Variants in USP32 observed in about 807,000 individuals in gnomAD.
USP32 encodes ubiquitin specific peptidase 32, also known as ubiquitin carboxyl-terminal hydrolase 32.
A neutral mutation model predicts 204.8 loss-of-function variants in USP32; 59 were observed. The ratio of observed to expected loss-of-function variants is 0.29; its 90% CI spans 0.23 to 0.36. USP32 has a LOEUF of 0.36. USP32 is among the 10% of genes least tolerant of loss of function. The probability of loss-of-function intolerance (pLI) is 1.00; values close to 1 mark genes in which losing one functional copy is unlikely to be tolerated. For missense variants in USP32, 1,160 were observed against 1,946.4 expected, an observed-to-expected ratio of 0.60 and a Z score of 7.60; for synonymous variants, 517 against 678.4, an observed-to-expected ratio of 0.76 and a Z score of 3.70.
At chr17:60,297,737 C>T (rs186379996) in intron 3 of USP32, among the ~76,000 whole-genome samples, 1 of 152,030 alleles carries the variant, frequency 6.6e-6, no homozygotes, top group Admixed American at 6.6e-5. Flanking sequence ...CATCACAACC[C>T]ACCTCAAAAT....
intron 1 of USP32, among the ~76,000 whole-genome samples, chr17:60,386,302 C>A (rs1403721448): frequency 2.0e-5 from 3 of 151,000 alleles, no homozygotes; most frequent in African/African-American, 7.3e-5. Flanking sequence ...ATAAAAAGAA[C>A]TGTCAGTCCC....
At chr17:60,422,367 A>C (rs1415458935) in exon 1 of USP32, 1 of 1,162,786 alleles carries the variant, frequency 8.6e-7, no homozygotes, top group East Asian at 3.2e-5. Context: ...TCCGTTCCCT[A>C]GTCCAGATCC....
chr17:60,288,459 T>C lies in USP32; in HGVS notation c.571+64A>G, dbSNP rs73318838. The C allele has an allele frequency of 8.4e-3, 12,745 of 1,513,952 alleles. 928 individuals carry two copies. In the African/African-American group the frequency reaches 0.16, roughly 19 times the overall value. The allele number at this position is 1,513,952 out of a possible 1,614,324, so 93.8% of individuals were successfully genotyped here. On this transcript the variant is annotated intron_variant, in intron 5 of 33. Coordinates refer to ENST00000300896, the MANE Select transcript of USP32 (RefSeq NM_032582.4). ...TTTCTCCTTTATAAGCATATTCTCA[T>C]ATTACCAGCCAATTATATATATAAA... is the stretch of plus-strand genomic sequence containing the variant.
intron 1 of USP32, among the ~76,000 whole-genome samples, chr17:60,374,489 C>T (rs1318070507): frequency 1.3e-5 from 2 of 151,962 alleles, no homozygotes; most frequent in Non-Finnish European, 2.9e-5. Context: ...CCTGAACCTC[C>T]TAGGCTCAAG....
Position 60,207,123 on chromosome 17 carries a change from G to A in USP32, c.2935C>T (p.Gln979Ter). The A allele has an allele frequency of 6.2e-7, 1 of 1,610,592 alleles. No individual in the cohort carries two copies. Among genetic ancestry groups the A allele is most frequent in the Non-Finnish European group, 8.5e-7 (1 of 1,178,464 alleles). The change falls in exon 25 of 34, where the codon CAG becomes TAG. Residue 979 changes from glutamine (Q) to a stop codon, truncating the protein, a stop_gained. Coordinates refer to ENST00000300896, the MANE Select transcript of USP32 (RefSeq NM_032582.4). LOFTEE classifies it high-confidence loss of function. ...GAGAGTCGTACTTTTTGGTTGTCCT[G>A]AGGAAAGTTCTACAGAAACAGAAGC... ...VHGSNIKNFP[Q>*]DNQKVRLSVS...
rs970690651 is a variant in USP32 at position 60,326,090 on chromosome 17, T to C, written c.186+19391A>G. ...CTGATAAAATTGAGCTAGGTAAGGA[T>C]AGGAACTCTTGTTTTCACTAACTCT... On this transcript the variant is annotated intron_variant, in intron 2 of 33. Transcript: ENST00000300896. Among the ~76,000 whole-genome samples the C allele has an allele frequency of 2.0e-5, 3 of 152,030 alleles. No homozygotes were observed. The East Asian group carries it at 5.8e-4, about 29-fold the overall frequency.
At chr17:60,185,755 A>G (rs1318864317) in intron 29 of USP32, 104 bp from the exon 30 acceptor site, 15 of 1,339,688 alleles carry the variant, frequency 1.1e-5, no homozygotes, top group South Asian at 1.7e-5. Context: ...ATTTTACTCT[A>G]TATAAGGAAA....
chr17:60,222,819 T>C (rs570629813), intron 14 of USP32, among the ~76,000 whole-genome samples: 19 of 151,712 alleles, frequency 1.3e-4, no homozygotes, highest in African/African-American at 4.6e-4. Flanking sequence ...GTATCTGGGA[T>C]TACAGGCACA....
intron 1 of USP32, among the ~76,000 whole-genome samples, chr17:60,386,040 A>G (rs2089725470): frequency 1.3e-5 from 2 of 151,900 alleles, no homozygotes; most frequent in Non-Finnish European, 1.5e-5. Context: ...CACACACAAC[A>G]CAAAAGAAAC....
chr17:60,227,443 T>C (rs1248877321), intron 12 of USP32, among the ~76,000 whole-genome samples: 1 of 152,030 alleles, frequency 6.6e-6, no homozygotes, highest in Non-Finnish European at 1.5e-5. Flanking sequence ...ATAATTTTTG[T>C]AGTTTTCATA....
chr17:60,380,732 T>C (rs1437471193), intron 1 of USP32, among the ~76,000 whole-genome samples: 1 of 152,218 alleles, frequency 6.6e-6, no homozygotes, highest in Admixed American at 6.5e-5. Context: ...AATTTTGACA[T>C]GACTTTCCAA....
chr17:60,349,578 GAAAAA>G (rs757370384), intron 1 of USP32, among the ~76,000 whole-genome samples: 172 of 27,722 alleles, frequency 6.2e-3, no homozygotes, highest in African/African-American at 0.021. Flanking sequence ...TGTCTCAAAA[GAAAAA>G]AAAAAAAAAA....
chr17:60,276,713 C>T (rs988197069), intron 5 of USP32, among the ~76,000 whole-genome samples: 3 of 151,874 alleles, frequency 2.0e-5, no homozygotes, highest in Admixed American at 6.6e-5. Flanking sequence ...ACTTTGAAAA[C>T]TATGTTAATC....
intron 15 of USP32, among the ~76,000 whole-genome samples, chr17:60,221,806 C>T (rs1420653531): frequency 6.6e-6 from 1 of 152,054 alleles, no homozygotes; most frequent in African/African-American, 2.4e-5. Flanking sequence ...CTTAATATAC[C>T]AAAACAAATC....
At chr17:60,389,934 G>A (rs911834322) in intron 1 of USP32, among the ~76,000 whole-genome samples, 8 of 149,234 alleles carry the variant, frequency 5.4e-5, no homozygotes, top group African/African-American at 2.0e-4. Flanking sequence ...GGAGAATGGC[G>A]TGAACCCGGG....
intron 1 of USP32, among the ~76,000 whole-genome samples, chr17:60,366,891 C>T (rs774227984): frequency 1.3e-5 from 2 of 151,958 alleles, no homozygotes; most frequent in African/African-American, 2.4e-5. Context: ...GGTGCGATCT[C>T]GGCTCACTGC....
intron 5 of USP32, among the ~76,000 whole-genome samples, chr17:60,284,041 AAG>A (rs941233330): frequency 2.1e-4 from 32 of 152,258 alleles, no homozygotes; most frequent in African/African-American, 7.7e-4. Flanking sequence ...GCCAAAGGAG[AAG>A]AGAGTTTGAA....
At chr17:60,205,841 C>T (rs932511374) in intron 25 of USP32, among the ~76,000 whole-genome samples, 183 bp from the exon 26 acceptor site, 4 of 152,190 alleles carry the variant, frequency 2.6e-5, no homozygotes, top group Non-Finnish European at 5.9e-5. Flanking sequence ...TTCCCTAACT[C>T]ACACTTTTGG....
At chr17:60,290,418 T>C (rs2087243292) in intron 4 of USP32, among the ~76,000 whole-genome samples, 1 of 152,166 alleles carries the variant, frequency 6.6e-6, no homozygotes, top group Admixed American at 6.5e-5. Flanking sequence ...ACTGCCAACA[T>C]GTTTAGAGAT....
Sources: gnomAD v4.1 joint callset for allele counts (sites outside exome capture counted in the v4.1 genomes callset) on GRCh38, gnomAD v4.1.1 for gene constraint, MANE v1.5 for transcripts, NCBI Gene and HGNC (gene_info 2026-07-23, HGNC 2026-07-21) for gene names.